The following ZFHX4 variants were observed in gnomAD, a reference collection of about 807,000 sequenced individuals.
ZFHX4 encodes zinc finger homeobox 4.
Under a neutral mutation model 267.6 loss-of-function variants are expected in ZFHX4, and 56 were observed. The observed-to-expected ratio is 0.21, with a 90% CI of 0.17 to 0.26. The LOEUF is 0.26. Among genes scored for constraint, ZFHX4 ranks in the 10% least tolerant of loss-of-function variants. The probability of loss-of-function intolerance (pLI) is 1.00; values close to 1 mark genes in which losing one functional copy is unlikely to be tolerated. For missense variants in ZFHX4, 4,332 were observed against 4,420.0 expected, an observed-to-expected ratio of 0.98 and a Z score of 0.56; for synonymous variants, 1,778 against 1,665.6, an observed-to-expected ratio of 1.07 and a Z score of -1.64.
intron 1 of ZFHX4, among the ~76,000 whole-genome samples, chr8:76,684,467 T>C (rs938611812): frequency 7.2e-5 from 11 of 152,232 alleles, no homozygotes; most frequent in African/African-American, 2.7e-4. Flanking sequence ...GTGTTTTTAT[T>C]CAGTTGCTGG....
Position 76,850,318 on chromosome 8 carries a change from A to G in ZFHX4, c.3920A>G (p.Asp1307Gly), listed in dbSNP as rs1260146244. Residue 1307 changes from aspartate to glycine, a missense_variant, in exon 9 of 11, where the codon GAC (aspartate) becomes GGC (glycine). Around this residue, in one of 7 missense-constraint regions of ZFHX4, gnomAD observed 1,371 missense variants for 1,423.1 expected, o/e 0.96. Transcript: ENST00000651372. ...GCTGCCTCTGAGAAATCAGAGCGGG[A>G]CACACCTGCAGCCGTGACAGCTGAG... Reference protein sequence around the residue: ...PAAASEKSERDTPAAVTAEGS... With the variant: ...PAAASEKSERGTPAAVTAEGS... The G allele has an allele frequency of 1.9e-6, 3 of 1,613,002 alleles. No individual in the cohort carries two copies. The highest frequency in any genetic ancestry group is 2.7e-5 in the African/African-American group (2 of 74,898).
chr8:76,766,563 G>A (rs1810056120), intron 3 of ZFHX4, among the ~76,000 whole-genome samples: 1 of 152,196 alleles, frequency 6.6e-6, no homozygotes, highest in African/African-American at 2.4e-5. Flanking sequence ...TGCATGGGCT[G>A]TGGGTAGTAT....
intron 4 of ZFHX4, among the ~76,000 whole-genome samples, chr8:76,830,642 A>G (rs1289023082): frequency 6.6e-6 from 1 of 152,218 alleles, no homozygotes; most frequent in Non-Finnish European, 1.5e-5. Flanking sequence ...ACATTCTTTT[A>G]TGAAATTATT....
intron 2 of ZFHX4, 50 bp downstream of exon 2, chr8:76,706,728 T>G (rs1192289741): frequency 2.0e-6 from 3 of 1,464,548 alleles, no homozygotes; most frequent in East Asian, 4.9e-5. Context: ...AATCACATTT[T>G]GATTTGGCGT....
rs183240342 is a variant in ZFHX4 at position 76,810,924 on chromosome 8, C to T, written c.3326-22414C>T. ...CTTCCTTTCTGTCCTTCAGAGATGG[C>T]GATAATAATTGCTCATGGCTGCTTC... On this transcript the variant is annotated intron_variant, in intron 4 of 10. Transcript: ENST00000651372. Among the ~76,000 whole-genome samples, 117 of 152,072 alleles carry T rather than the reference C, an allele frequency of 7.7e-4. 1 individual carries two copies. Among genetic ancestry groups the T allele is most frequent in the African/African-American group, 2.6e-3 (109 of 41,500 alleles).
intron 1 of ZFHX4, among the ~76,000 whole-genome samples, chr8:76,686,310 T>C (rs1807692094): frequency 6.6e-6 from 1 of 152,158 alleles, no homozygotes; most frequent in Admixed American, 6.5e-5. Context: ...TTCCTGTCTA[T>C]TTGGGTTTGA....
chr8:76,704,523 C>T lies in ZFHX4; in HGVS notation c.435C>T (p.Ser145=), dbSNP rs1808192636. The T allele has an allele frequency of 1.2e-6, 2 of 1,613,834 alleles. No homozygotes were observed. The highest frequency in any genetic ancestry group is 1.6e-4 in the Middle Eastern group (1 of 6,062). ...PDGSAYIIED[S]KESGQNAQTG... ...GGTCAGCATATATAATTGAGGACTC[C>T]AAAGAAAGTGGGCAGAATGCACAGA... Residue 145 remains serine (S), a synonymous_variant, in exon 2 of 11, where the codon TCC becomes TCT. Coordinates refer to ENST00000651372, the MANE Select transcript of ZFHX4 (RefSeq NM_024721.5).
intron 1 of ZFHX4, among the ~76,000 whole-genome samples, chr8:76,685,457 C>G (rs1277748351): frequency 2.6e-5 from 4 of 152,056 alleles, no homozygotes; most frequent in African/African-American, 9.7e-5. Context: ...TAAAGACATC[C>G]TAAAGAAGTT....
At chr8:76,780,346 T>C (rs1810515826) in intron 4 of ZFHX4, among the ~76,000 whole-genome samples, 1 of 152,122 alleles carries the variant, frequency 6.6e-6, no homozygotes, top group Non-Finnish European at 1.5e-5. Flanking sequence ...AAGTCAGGAG[T>C]CAGCTTCTGG....
intron 4 of ZFHX4, among the ~76,000 whole-genome samples, chr8:76,801,540 C>A (rs1367109568): frequency 1.3e-5 from 2 of 152,166 alleles, no homozygotes; most frequent in African/African-American, 2.4e-5. Flanking sequence ...GGTGCTTCAA[C>A]CATTTTCTTT....
intron 3 of ZFHX4, among the ~76,000 whole-genome samples, chr8:76,734,175 T>G (rs922883676): frequency 2.0e-5 from 3 of 152,190 alleles, no homozygotes; most frequent in Non-Finnish European, 4.4e-5. Flanking sequence ...TAAAACATAC[T>G]TGTCCTCTTC....
intron 1 of ZFHX4, among the ~76,000 whole-genome samples, chr8:76,689,693 A>G (rs1264059456): frequency 6.6e-6 from 1 of 152,020 alleles, no homozygotes; most frequent in Non-Finnish European, 1.5e-5. Context: ...TGAAAGTTTG[A>G]TATGGTTTCA....
intron 4 of ZFHX4, among the ~76,000 whole-genome samples, chr8:76,821,637 C>T (rs988904487): frequency 2.6e-5 from 4 of 151,652 alleles, no homozygotes; most frequent in African/African-American, 4.9e-5. Context: ...GGGAGGAAAT[C>T]GTGGGACTCT....
Position 76,855,400 on chromosome 8 carries a change from A to G in ZFHX4, c.8479A>G (p.Thr2827Ala). The G allele has an allele frequency of 6.2e-7, 1 of 1,613,750 alleles. No homozygotes were observed. The highest frequency in any genetic ancestry group is 8.5e-7 in the Non-Finnish European group (1 of 1,179,826). The change falls in exon 10 of 11, where the codon ACA (threonine) becomes GCA (alanine). Residue 2827 changes from threonine (T) to alanine (A), a missense_variant. Thr to Ala is a moderately conservative substitution (Grantham distance 58, BLOSUM62 0). This residue lies in a region of ZFHX4 where 1,648 missense variants were observed against 1,625.0 expected (regional missense o/e 1.01). Coordinates refer to ENST00000651372, the MANE Select transcript of ZFHX4 (RefSeq NM_024721.5). The stretch of plus-strand genomic sequence containing the variant: ...GGGAAACACTGAAATGGAAAGCACC[A>G]CAGGAAGTTCCGGAGATGTGAAACC... Reference protein sequence around the residue: ...DEGNTEMESTTGSSGDVKPAL... With the variant: ...DEGNTEMESTAGSSGDVKPAL...
At position 76,851,646 on chromosome 8, in the gene ZFHX4, A is replaced by G; in HGVS notation, c.4725A>G (p.Glu1575=). 1 of 1,613,828 alleles carries G rather than the reference A, an allele frequency of 6.2e-7. No homozygotes were observed. The highest frequency in any genetic ancestry group is 8.5e-7 in the Non-Finnish European group (1 of 1,179,848). ...HLHKLKKVLQ[E]ASSPVPQETN... Reference sequence around the variant, plus strand: ...ATAAGCTGAAAAAAGTTTTGCAGGAAGCCTCCAGTCCTGTCCCACAAGAAA... The same window carrying G: ...ATAAGCTGAAAAAAGTTTTGCAGGAGGCCTCCAGTCCTGTCCCACAAGAAA... The change falls in exon 10 of 11, where the codon GAA becomes GAG. Residue 1575 remains glutamate (E), a synonymous_variant. Coordinates refer to ENST00000651372, the MANE Select transcript of ZFHX4 (RefSeq NM_024721.5).
chr8:76,708,173 A>T, intron 3 of ZFHX4, 125 bp downstream of exon 3: 1 of 1,165,568 alleles, frequency 8.6e-7, no homozygotes, highest in Non-Finnish European at 1.2e-6. Flanking sequence ...GGCAGGGGGC[A>T]CAGTTTCTGA....
chr8:76,825,779 T>A (rs1811768228), intron 4 of ZFHX4, among the ~76,000 whole-genome samples: 2 of 152,212 alleles, frequency 1.3e-5, no homozygotes, highest in African/African-American at 4.8e-5. Flanking sequence ...AAAGCATTTT[T>A]AAAAACTTGT....
chr8:76,797,745 T>C (rs1265278087), intron 4 of ZFHX4, among the ~76,000 whole-genome samples: 2 of 152,154 alleles, frequency 1.3e-5, no homozygotes, highest in Non-Finnish European at 2.9e-5. Context: ...TGTCTAGTAA[T>C]GATGCTGCTG....
Position 76,704,659 on chromosome 8 carries a change from A to C in ZFHX4, c.571A>C (p.Ile191Leu). ...ASAPMSFYPQ[I>L]INTFHIASSL... ...TGCACCTATGTCGTTCTACCCACAGATCATCAACACTTTTCATATCGCTTC... is the reference window on the plus strand; with the variant it reads ...TGCACCTATGTCGTTCTACCCACAGCTCATCAACACTTTTCATATCGCTTC... The change falls in exon 2 of 11, where the codon ATC becomes CTC. Residue 191 changes from isoleucine to leucine, a missense_variant. Ile to Leu is a conservative substitution (Grantham distance 5). This residue lies in a region of ZFHX4 where 1,195 missense variants were observed against 1,173.6 expected (regional missense o/e 1.02). Coordinates refer to ENST00000651372, the MANE Select transcript of ZFHX4 (RefSeq NM_024721.5). 6.2e-7 allele frequency: 1 copy of C among 1,614,036 alleles called. No homozygotes were observed. Among genetic ancestry groups the C allele is most frequent in the Non-Finnish European group, 8.5e-7 (1 of 1,179,890 alleles).
Sources: allele counts gnomAD v4.1 joint callset (sites outside exome capture counted in the v4.1 genomes callset), GRCh38; gene constraint gnomAD v4.1.1; regional missense constraint gnomAD v4.1.1; transcripts MANE v1.5; gene names NCBI Gene and HGNC (gene_info 2026-07-23, HGNC 2026-07-21).